The following RBFOX1 variants were observed in gnomAD, a reference collection of about 807,000 sequenced individuals.
RBFOX1 encodes RNA binding fox-1 homolog 1.
Under a neutral mutation model 57.7 loss-of-function variants are expected in RBFOX1, and 8 were observed. The observed-to-expected ratio is 0.14, with a 90% confidence interval of 0.08 to 0.25. RBFOX1 has a LOEUF of 0.25. RBFOX1 is among the 10% of genes least tolerant of loss of function. The pLI, the probability that RBFOX1 is intolerant of heterozygous loss-of-function variation, is 1.00. For missense variants in RBFOX1, 611 were observed against 548.5 expected, an observed-to-expected ratio of 1.11 and a Z score of -1.14; for synonymous variants, 326 against 222.4, an observed-to-expected ratio of 1.47 and a Z score of -4.15.
intron 14 of RBFOX1, among the ~76,000 whole-genome samples, chr16:7,697,448 C>G (rs558223339): frequency 1.3e-4 from 20 of 152,266 alleles, no homozygotes; most frequent in African/African-American, 4.8e-4. Flanking sequence ...TTGCTGAACT[C>G]TCCAAGGTGT....
At chr16:5,687,186 A>G (rs1279225363) in intron 3 of RBFOX1, among the ~76,000 whole-genome samples, 2 of 152,170 alleles carry the variant, frequency 1.3e-5, no homozygotes, top group Admixed American at 6.5e-5. Context: ...GTACAGTGGA[A>G]TAGGGGGAGA....
At chr16:6,681,451 T>C (rs1022152667) in intron 3 of RBFOX1, among the ~76,000 whole-genome samples, 5 of 152,114 alleles carry the variant, frequency 3.3e-5, no homozygotes, top group Non-Finnish European at 7.3e-5. Flanking sequence ...TGAAGAAGAG[T>C]TCAGAAGTAT....
intron 1 of RBFOX1, among the ~76,000 whole-genome samples, chr16:5,296,697 G>C (rs1252899854): frequency 8.6e-6 from 1 of 116,752 alleles, no homozygotes; most frequent in Admixed American, 9.1e-5. Context: ...TTTTTTTTTT[G>C]AGATGGAGTG....
At chr16:6,002,338 A>G (rs2060616366) in intron 4 of RBFOX1, among the ~76,000 whole-genome samples, 1 of 152,180 alleles carries the variant, frequency 6.6e-6, no homozygotes, top group African/African-American at 2.4e-5. Context: ...TTTGCTCTCA[A>G]GAACTGAGGG....
At chr16:5,254,171 T>G (rs915104729) in intron 1 of RBFOX1, among the ~76,000 whole-genome samples, 1 of 152,238 alleles carries the variant, frequency 6.6e-6, no homozygotes, top group African/African-American at 2.4e-5. Flanking sequence ...GATGAGAAAG[T>G]TGAGGCTCAG....
At chr16:6,984,909 A>G (rs908494387) in intron 3 of RBFOX1, among the ~76,000 whole-genome samples, 16 of 152,088 alleles carry the variant, frequency 1.1e-4, no homozygotes, top group East Asian at 9.7e-4. Flanking sequence ...CCAAAGTGCT[A>G]GGATTACAGG....
intron 2 of RBFOX1, among the ~76,000 whole-genome samples, chr16:6,651,912 C>G (rs555755319): frequency 6.6e-6 from 1 of 152,254 alleles, no homozygotes; most frequent in Admixed American, 6.5e-5. Context: ...CTAACACATG[C>G]TACCACATGG....
intron 3 of RBFOX1, among the ~76,000 whole-genome samples, chr16:5,763,437 T>G (rs893276919): frequency 2.0e-5 from 3 of 152,128 alleles, no homozygotes; most frequent in African/African-American, 7.2e-5. Flanking sequence ...GCCCATGTCT[T>G]GGAGGGAGAC....
chr16:5,981,034 C>G (rs192723176), intron 4 of RBFOX1, among the ~76,000 whole-genome samples: 556 of 152,330 alleles, frequency 3.6e-3, no homozygotes, highest in Non-Finnish European at 5.5e-3. Flanking sequence ...GCGCATCAGA[C>G]TCCACCCCAG....
intron 4 of RBFOX1, among the ~76,000 whole-genome samples, chr16:7,279,167 G>C (rs1444242270): frequency 6.6e-6 from 1 of 150,874 alleles, no homozygotes; most frequent in African/African-American, 2.4e-5. Flanking sequence ...TTGGCCATGG[G>C]GGACCCCATG....
At chr16:7,523,213 C>G (rs1297824797) in intron 5 of RBFOX1, among the ~76,000 whole-genome samples, 1 of 152,240 alleles carries the variant, frequency 6.6e-6, no homozygotes, top group Non-Finnish European at 1.5e-5. Context: ...ATGGATATGC[C>G]ACAGTTTATT....
At chr16:7,684,851 A>G (rs2075717563) in intron 14 of RBFOX1, among the ~76,000 whole-genome samples, 1 of 152,116 alleles carries the variant, frequency 6.6e-6, no homozygotes, top group African/African-American at 2.4e-5. Context: ...GGACAATACC[A>G]GCTTCCCTGT....
intron 3 of RBFOX1, among the ~76,000 whole-genome samples, chr16:6,761,841 C>G (rs1028634757): frequency 6.6e-6 from 1 of 151,984 alleles, no homozygotes; most frequent in African/African-American, 2.4e-5. Flanking sequence ...ATCCAGACTC[C>G]AGTCACTCAA....
chr16:6,918,611 C>A (rs1162099686), intron 3 of RBFOX1, among the ~76,000 whole-genome samples: 1 of 152,012 alleles, frequency 6.6e-6, no homozygotes, highest in African/African-American at 2.4e-5. Context: ...TTTATCTTAC[C>A]CAAATCTCAT....
chr16:6,385,356 GTTTTA>G (rs1369880743), intron 2 of RBFOX1, among the ~76,000 whole-genome samples: 1 of 152,032 alleles, frequency 6.6e-6, no homozygotes, highest in African/African-American at 2.4e-5. Flanking sequence ...CTTTATTTTT[GTTTTA>G]TTTTATTTTA....
intron 5 of RBFOX1, among the ~76,000 whole-genome samples, chr16:7,536,050 A>C (rs2081388463): frequency 6.6e-6 from 1 of 152,200 alleles, no homozygotes; most frequent in South Asian, 2.1e-4. Flanking sequence ...TCACTCACAC[A>C]GTTGAATGCA....
rs36117809 is a variant in RBFOX1 at position 6,981,042 on chromosome 16, C to CAAAAAAAAAAAAAAAAAAAAAAAAAAAA, written c.-15-70998_-15-70997insAAAAAAAAAAAAAAAAAAAAAAAAAAAA. On this transcript the variant is annotated intron_variant, in intron 3 of 15. Coordinates refer to ENST00000550418, the MANE Select transcript of RBFOX1 (RefSeq NM_018723.4). Reference sequence around the variant, plus strand: ...TGGGTGGCAGAGCAAGTCTCAGTCTCAAAAAAAAAAAAAAAAACACTAAAA... The same window carrying CAAAAAAAAAAAAAAAAAAAAAAAAAAAA: ...TGGGTGGCAGAGCAAGTCTCAGTCTCAAAAAAAAAAAAAAAAAAAAAAAAAAAAAAAAAAAAAAAAAAAAACACTAAAA... Among the ~76,000 whole-genome samples, 54 of 77,394 alleles carry CAAAAAAAAAAAAAAAAAAAAAAAAAAAA rather than the reference C, an allele frequency of 7.0e-4. 2 individuals carry two copies. Among genetic ancestry groups the CAAAAAAAAAAAAAAAAAAAAAAAAAAAA allele is most frequent in the African/African-American group, 3.9e-3 (49 of 12,648 alleles). The allele number at this position is 77,394 out of a possible 152,430, so 50.8% of individuals were successfully genotyped here. A position where few individuals can be genotyped will look rare whatever the true frequency, so the allele number is the denominator to read the frequency against.
At chr16:6,271,460 G>T (rs1166723755) in intron 1 of RBFOX1, among the ~76,000 whole-genome samples, 1 of 152,032 alleles carries the variant, frequency 6.6e-6, no homozygotes, top group Non-Finnish European at 1.5e-5. Context: ...AAGTTATAAA[G>T]ATGAGAGCAG....
intron 3 of RBFOX1, among the ~76,000 whole-genome samples, chr16:6,884,667 G>C (rs1230863324): frequency 6.6e-6 from 1 of 152,212 alleles, no homozygotes; most frequent in Non-Finnish European, 1.5e-5. Flanking sequence ...GGGAGGCTGA[G>C]GTGGTGGATC....
Sources: allele counts gnomAD v4.1 joint callset (sites outside exome capture counted in the v4.1 genomes callset), GRCh38; gene constraint gnomAD v4.1.1; transcripts MANE v1.5; gene names NCBI Gene and HGNC (gene_info 2026-07-23, HGNC 2026-07-21).